Variants in ACAA2 observed in about 807,000 individuals in gnomAD.
ACAA2 encodes acetyl-CoA acyltransferase 2, also known as 3-ketoacyl-CoA thiolase, mitochondrial.
In ACAA2, 35 loss-of-function variants were observed where a neutral mutation model predicts 44.8. The observed-to-expected ratio is 0.78, with a 90% confidence interval of 0.60 to 1.04. ACAA2 has a LOEUF of 1.04. Ranked by LOEUF, ACAA2 falls within the 50% of genes least tolerant of loss-of-function variation. The pLI, the probability that ACAA2 is intolerant of heterozygous loss-of-function variation, is 0.00. For synonymous variants in ACAA2, 142 were observed against 166.5 expected (o/e 0.85, Z 1.13); for missense variants, 468 against 482.6 (o/e 0.97, Z 0.28).
chr18:49,791,476 C>A lies in ACAA2; in HGVS notation c.877G>T (p.Gly293Cys). 1 of 1,611,038 alleles carries A rather than the reference C, an allele frequency of 6.2e-7. No homozygotes were observed. Among genetic ancestry groups the A allele is most frequent in the Non-Finnish European group, 8.5e-7 (1 of 1,179,238 alleles). The change falls in exon 7 of 10, where the codon GGT becomes TGT. Residue 293 changes from glycine (G) to cysteine (C), a missense_variant. Coordinates refer to ENST00000285093, the MANE Select transcript of ACAA2 (RefSeq NM_006111.3). ...FVSGCDPSIM[G>C]IGPVPAISGA... is the part of the protein sequence containing the mutation. ...TGTTTTACTATAAACTTACCAATAC[C>A]CATGATAGAGGGATCACATCCAGAT... is the stretch of plus-strand genomic sequence containing the variant.
chr18:49,790,984 A>G (rs1165430271), intron 7 of ACAA2, among the ~76,000 whole-genome samples: 1 of 152,108 alleles, frequency 6.6e-6, no homozygotes, highest in South Asian at 2.1e-4. Flanking sequence ...AACCTCCCTA[A>G]GCCTCAATTT....
At chr18:49,810,380 C>G (rs939195699) in intron 1 of ACAA2, among the ~76,000 whole-genome samples, 1 of 152,148 alleles carries the variant, frequency 6.6e-6, no homozygotes, top group Non-Finnish European at 1.5e-5. Context: ...CCCCTCACTT[C>G]TCAGAAACAA....
Position 49,794,397 on chromosome 18 carries a change from C to T in ACAA2, c.460G>A (p.Asp154Asn). 1 of 1,606,130 alleles carries T rather than the reference C, an allele frequency of 6.2e-7. No individual in the cohort carries two copies. Among genetic ancestry groups the T allele is most frequent in the Non-Finnish European group, 8.5e-7 (1 of 1,177,246 alleles). Residue 154 changes from aspartate to asparagine, a missense_variant, in exon 5 of 10, where the codon GAT becomes AAT. By Grantham distance (23) the Asp-to-Asn change is conservative (BLOSUM62 1). Transcript: ENST00000285093. The part of the protein sequence containing the change: ...LEDSLWVSLT[D>N]QHVQLPMAMT... Reference sequence around the variant, plus strand: ...GCCATGGGGAGCTGGACATGCTGATCTGTTAATGATACCCATAAAGAATCT... The same window carrying T: ...GCCATGGGGAGCTGGACATGCTGATTTGTTAATGATACCCATAAAGAATCT...
chr18:49,802,092 G>A (rs1303532890), intron 2 of ACAA2, among the ~76,000 whole-genome samples: 1 of 152,082 alleles, frequency 6.6e-6, no homozygotes, highest in Non-Finnish European at 1.5e-5. Context: ...GTTTACTAAG[G>A]TGGCATATAG....
chr18:49,792,046 C>A, intron 6 of ACAA2, 106 bp downstream of exon 6: 1 of 870,372 alleles, frequency 1.1e-6, no homozygotes, highest in Non-Finnish European at 1.7e-6. Context: ...TTAGTTTAAG[C>A]TAAACAACTA....
rs757866729 is a variant in ACAA2, at chr18:49,791,567, T to A, written c.786A>T (p.Ile262=). The A allele has an allele frequency of 1.2e-6, 2 of 1,613,526 alleles. No individual in the cohort carries two copies. Among genetic ancestry groups the A allele is most frequent in the Non-Finnish European group, 1.7e-6 (2 of 1,179,874 alleles). Reference sequence around the variant, plus strand: ...GTTTCTTAACAGCATCTTCACTAGCTATGATAACAGCTCCAGCACCATCAG... The same window carrying A: ...GTTTCTTAACAGCATCTTCACTAGCAATGATAACAGCTCCAGCACCATCAG... ...GVADGAGAVI[I]ASEDAVKKHN... Residue 262 remains isoleucine, a synonymous_variant, in exon 7 of 10, where the codon ATA becomes ATT. Coordinates refer to ENST00000285093, the MANE Select transcript of ACAA2 (RefSeq NM_006111.3).
chr18:49,805,654 GCAGCC>G (rs2023602651), intron 1 of ACAA2, among the ~76,000 whole-genome samples: 2 of 151,894 alleles, frequency 1.3e-5, no homozygotes, highest in Admixed American at 6.6e-5. Flanking sequence ...CTCGACCTCT[GCAGCC>G]TCGACTTTCC....
intron 4 of ACAA2, 131 bp downstream of exon 4, chr18:49,795,634 C>T (rs1462404468): frequency 1.9e-6 from 1 of 531,082 alleles, no homozygotes; most frequent in Non-Finnish European, 3.4e-6. Flanking sequence ...TCTAATCATT[C>T]ATATCTTGCC....
intron 6 of ACAA2, 150 bp from the exon 7 acceptor site, chr18:49,791,749 G>A: frequency 1.4e-6 from 1 of 729,310 alleles, no homozygotes; most frequent in Non-Finnish European, 2.1e-6. Flanking sequence ...GTACTGTGGT[G>A]GATGAAGGAG....
intron 8 of ACAA2, 124 bp from the exon 9 acceptor site, chr18:49,785,475 G>T: frequency 1.1e-6 from 1 of 888,294 alleles, no homozygotes; most frequent in Non-Finnish European, 1.7e-6. Context: ...ACCTCGCAAA[G>T]TTATTTTATC....
Position 49,785,148 on chromosome 18 carries a change from T to C in ACAA2, c.1109+49A>G, listed in dbSNP as rs750102054. On this transcript the variant is annotated intron_variant, in intron 9 of 9. Coordinates refer to ENST00000285093, the MANE Select transcript of ACAA2 (RefSeq NM_006111.3). The stretch of plus-strand genomic sequence containing the variant: ...TTCTGGGGAAGCCTAAATCCATGCA[T>C]TTCTATAAAAAACAGCAAATCTGAA... 48 of 1,595,922 alleles carry C rather than the reference T, an allele frequency of 3.0e-5. No individual in the cohort carries two copies. In the Admixed American group the frequency reaches 7.9e-4, roughly 26 times the overall value.
At chr18:49,791,123 A>C (rs544472566) in intron 7 of ACAA2, among the ~76,000 whole-genome samples, 1 of 152,202 alleles carries the variant, frequency 6.6e-6, no homozygotes, top group Non-Finnish European at 1.5e-5. Context: ...GATTTCTCCC[A>C]TCTCATAATT....
At chr18:49,787,244 G>C in intron 8 of ACAA2, 47 bp downstream of exon 8, 3 of 1,253,012 alleles carry the variant, frequency 2.4e-6, no homozygotes, top group Non-Finnish European at 3.1e-6. Flanking sequence ...AAAAGTACAT[G>C]GTTTATTCAT....
intron 4 of ACAA2, among the ~76,000 whole-genome samples, chr18:49,795,046 C>T (rs967132817): frequency 5.3e-5 from 8 of 152,190 alleles, no homozygotes; most frequent in African/African-American, 1.4e-4. Flanking sequence ...TAAAAGATAT[C>T]TCAAATGTGT....
At chr18:49,794,121 A>G (rs2023437393) in intron 5 of ACAA2, among the ~76,000 whole-genome samples, 159 bp downstream of exon 5, 1 of 152,264 alleles carries the variant, frequency 6.6e-6, no homozygotes. Context: ...GCAATAATTA[A>G]TAAAATATCT....
intron 1 of ACAA2, 31 bp downstream of exon 1, chr18:49,813,438 G>C (rs531557763): frequency 8.1e-7 from 1 of 1,238,394 alleles, no homozygotes; most frequent in Non-Finnish European, 1.0e-6. Flanking sequence ...GACCCCGAGG[G>C]GCGAGGAGAG....
intron 8 of ACAA2, 34 bp from the exon 9 acceptor site, chr18:49,785,385 C>T: frequency 1.2e-6 from 2 of 1,605,580 alleles, no homozygotes; most frequent in Non-Finnish European, 1.7e-6. Flanking sequence ...AACAAAAATC[C>T]TTACTCACAA....
intron 7 of ACAA2, among the ~76,000 whole-genome samples, chr18:49,787,577 T>TACTTTGGGA (rs2023348326): frequency 6.6e-6 from 1 of 151,706 alleles, no homozygotes; most frequent in Non-Finnish European, 1.5e-5. Flanking sequence ...GTAATCTCAG[T>TACTTTGGGA]ACTTTGGGAG....
chr18:49,782,415 A>G lies in ACAA2; in HGVS notation c.*1432T>C, dbSNP rs2023276925. ...TCAAATGAAGGAAACCATATAAGCA[A>G]AGGGTTGAGGAAACAGTGTAGGTAC... On this transcript the variant is annotated 3_prime_UTR_variant, in exon 10 of 10. Transcript: ENST00000285093. 1 of 152,122 alleles carries G rather than the reference A, an allele frequency of 6.6e-6. No homozygotes were observed. The highest frequency in any genetic ancestry group is 2.1e-4 in the South Asian group (1 of 4,814). 9.4% of individuals were successfully genotyped at this position (152,122 alleles called of 1,614,324 possible). A position where few individuals can be genotyped will look rare whatever the true frequency, so the allele number is the denominator to read the frequency against.
Sources: gnomAD v4.1 joint callset for allele counts (sites outside exome capture counted in the v4.1 genomes callset) on GRCh38, gnomAD v4.1.1 for gene constraint, MANE v1.5 for transcripts, NCBI Gene and HGNC (gene_info 2026-07-23, HGNC 2026-07-21) for gene names.